Variants in BNC2 observed in about 807,000 individuals in gnomAD.
BNC2 encodes zinc finger protein basonuclin-2.
In BNC2, 20 loss-of-function variants were observed where a neutral mutation model predicts 76.3. The observed-to-expected ratio is 0.26, with a 90% CI of 0.18 to 0.38. The LOEUF (loss-of-function observed/expected upper bound fraction) is 0.38, where lower values mean the gene tolerates loss of function less well. Ranked by LOEUF, BNC2 falls within the 10% of genes least tolerant of loss-of-function variation. The pLI, the probability that BNC2 is intolerant of heterozygous loss-of-function variation, is 1.00. For synonymous variants in BNC2, 582 were observed against 514.8 expected, an observed-to-expected ratio of 1.13 and a Z score of -1.77; for missense variants, 1,382 against 1,399.8, an observed-to-expected ratio of 0.99 and a Z score of 0.20.
At chr9:16,521,176 T>A (rs527302092) in intron 5 of BNC2, among the ~76,000 whole-genome samples, 83 of 152,252 alleles carry the variant, frequency 5.5e-4, no homozygotes, top group African/African-American at 2.0e-3. Context: ...AAACTCAAGA[T>A]ATGACAGATG....
chr9:16,431,845 T>A (rs1321970233), intron 6 of BNC2, among the ~76,000 whole-genome samples: 1 of 152,122 alleles, frequency 6.6e-6, no homozygotes, highest in East Asian at 1.9e-4. Context: ...CACATGCACA[T>A]TTCACAATAG....
chr9:16,678,172 G>C (rs1482649867), intron 3 of BNC2, among the ~76,000 whole-genome samples: 1 of 151,808 alleles, frequency 6.6e-6, no homozygotes, highest in African/African-American at 2.4e-5. Context: ...GAGGGACGAA[G>C]GGGTGAAGGG....
intron 3 of BNC2, among the ~76,000 whole-genome samples, chr9:16,724,362 T>A (rs1824251735): frequency 6.6e-6 from 1 of 152,038 alleles, no homozygotes; most frequent in African/African-American, 2.4e-5. Context: ...AAAGCAAGCC[T>A]CATTTTTTGC....
At chr9:16,666,597 AG>A (rs1822298712) in intron 3 of BNC2, among the ~76,000 whole-genome samples, 1 of 152,250 alleles carries the variant, frequency 6.6e-6, no homozygotes, top group African/African-American at 2.4e-5. Context: ...ACATCTTTCA[AG>A]AAACCACAGG....
intron 4 of BNC2, 85 bp downstream of exon 4, chr9:16,582,898 C>G (rs1204467961): frequency 7.6e-6 from 6 of 785,652 alleles, no homozygotes; most frequent in Non-Finnish European, 1.3e-5. Flanking sequence ...AACAGACACA[C>G]ACACACACAC....
chr9:16,869,225 A>AAATAG (rs55888088), intron 1 of BNC2, among the ~76,000 whole-genome samples: 2 of 151,762 alleles, frequency 1.3e-5, no homozygotes, highest in Non-Finnish European at 2.9e-5. Flanking sequence ...GTATATAAAA[A>AAATAG]TAAAACAGGC....
intron 3 of BNC2, among the ~76,000 whole-genome samples, chr9:16,656,175 C>G (rs1821924261): frequency 6.6e-6 from 1 of 152,096 alleles, no homozygotes; most frequent in South Asian, 2.1e-4. Flanking sequence ...GTTACCAGTT[C>G]CAAGGCTGAG....
intron 1 of BNC2, among the ~76,000 whole-genome samples, chr9:16,857,171 G>T (rs932830248): frequency 6.6e-6 from 1 of 152,024 alleles, no homozygotes; most frequent in Non-Finnish European, 1.5e-5. Flanking sequence ...AATTTTTACT[G>T]TAACAATTTT....
intron 3 of BNC2, among the ~76,000 whole-genome samples, chr9:16,667,276 G>A (rs940327750): frequency 6.6e-6 from 1 of 152,186 alleles, no homozygotes; most frequent in African/African-American, 2.4e-5. Context: ...TTGGAGTGCT[G>A]TCTATGTTTA....
intron 3 of BNC2, among the ~76,000 whole-genome samples, chr9:16,663,128 C>CTTTTTTTTTTTTTTTTTTTTT (rs1220327938): frequency 9.7e-5 from 5 of 51,648 alleles, no homozygotes; most frequent in Admixed American, 3.0e-4. Context: ...ACTCTGTTTA[C>CTTTTTTTTTTTTTTTTTTTTT]TCTTTTTTTT....
chr9:16,729,108 A>T (rs920056597), intron 2 of BNC2, among the ~76,000 whole-genome samples: 1 of 152,190 alleles, frequency 6.6e-6, no homozygotes, highest in African/African-American at 2.4e-5. Flanking sequence ...AACATGTCGT[A>T]TTTTTAATTA....
At chr9:16,683,552 G>C (rs1822886647) in intron 3 of BNC2, among the ~76,000 whole-genome samples, 1 of 152,122 alleles carries the variant, frequency 6.6e-6, no homozygotes, top group African/African-American at 2.4e-5. Flanking sequence ...GAGCTCCCTA[G>C]AGTATAAAGC....
intron 5 of BNC2, among the ~76,000 whole-genome samples, chr9:16,492,631 T>C (rs12056996): frequency 0.16 from 24,103 of 152,100 alleles, 2,055 homozygotes; most frequent in East Asian, 0.31. Flanking sequence ...TGAGAAATCA[T>C]ATGATGTATT....
At chr9:16,843,462 T>A (rs74884666) in intron 1 of BNC2, among the ~76,000 whole-genome samples, 1,871 of 152,216 alleles carry the variant, frequency 0.012, 37 homozygotes, top group African/African-American at 0.043. Context: ...AGCCTCAGAG[T>A]AGCTGGGATT....
rs1409010787 is a variant in BNC2 at position 16,436,510 on chromosome 9, C to T, written c.1684G>A (p.Gly562Arg). 2.5e-6 allele frequency: 4 copies of T among 1,613,986 alleles called. No individual in the cohort carries two copies. Among genetic ancestry groups the T allele is most frequent in the Non-Finnish European group, 3.4e-6 (4 of 1,180,006 alleles). The change falls in exon 6 of 7, where the codon GGG becomes AGG. Residue 562 changes from glycine to arginine, a missense_variant. By Grantham distance (125) the Gly-to-Arg change is moderately radical. Coordinates refer to ENST00000380672, the MANE Select transcript of BNC2 (RefSeq NM_017637.6). Reference protein sequence around the residue: ...NPLPSQLVFSGLKTVQPVPPF... With the variant: ...NPLPSQLVFSRLKTVQPVPPF... ...GGAACTGGTTGTACAGTCTTTAGCC[C>T]AGAAAATACTAGCTGGCTAGGGAGA... is the stretch of plus-strand genomic sequence containing the variant.
intron 1 of BNC2, among the ~76,000 whole-genome samples, chr9:16,792,633 G>A (rs565147042): frequency 1.3e-5 from 2 of 152,214 alleles, no homozygotes; most frequent in Admixed American, 1.3e-4. Flanking sequence ...ATTCTAGTGA[G>A]TAGAAGCATA....
chr9:16,613,190 G>C (rs1415148735), intron 3 of BNC2, among the ~76,000 whole-genome samples: 1 of 152,158 alleles, frequency 6.6e-6, no homozygotes, highest in Non-Finnish European at 1.5e-5. Context: ...CAATTTCCAA[G>C]CATATGACTA....
At chr9:16,673,446 AC>A (rs1202096478) in intron 3 of BNC2, among the ~76,000 whole-genome samples, 85 of 124,698 alleles carry the variant, frequency 6.8e-4, no homozygotes, top group African/African-American at 2.2e-3. Context: ...AAAAAAAAAC[AC>A]ACACACACAC....
At position 16,610,334 on chromosome 9, in the gene BNC2, C is replaced by A. The variant is rs528557765; in HGVS notation, c.331-27249G>T. Among the ~76,000 whole-genome samples, 59 of 152,226 alleles carry A rather than the reference C, an allele frequency of 3.9e-4. 4 individuals are homozygous for A. The South Asian group carries it at 0.012, about 30-fold the overall frequency. ...CCAGATGCACCACTATAATTAAATT[C>A]AGTAAAACTTGAAAGGAACGGCCAG... is the stretch of plus-strand genomic sequence containing the variant. On this transcript the variant is annotated intron_variant, in intron 3 of 6. Transcript: ENST00000380672.
Sources: gnomAD v4.1 joint callset for allele counts (sites outside exome capture counted in the v4.1 genomes callset) on GRCh38, gnomAD v4.1.1 for gene constraint, MANE v1.5 for transcripts, NCBI Gene and HGNC (gene_info 2026-07-23, HGNC 2026-07-21) for gene names.